Variants in VPS35L observed in about 807,000 individuals in gnomAD.
The protein encoded by VPS35L is VPS35 endosomal protein sorting factor like.
A neutral mutation model predicts 133.0 loss-of-function variants in VPS35L; 83 were observed. The observed-to-expected ratio is 0.62, with a 90% CI of 0.52 to 0.75. VPS35L has a LOEUF of 0.75. Ranked by LOEUF, VPS35L falls within the 30% of genes least tolerant of loss-of-function variation. The probability of loss-of-function intolerance (pLI) is 0.00; values close to 1 mark genes in which losing one functional copy is unlikely to be tolerated. For synonymous variants in VPS35L, 423 were observed against 449.9 expected (o/e 0.94, Z 0.76); for missense variants, 1,083 against 1,206.8 (o/e 0.90, Z 1.52).
intron 2 of VPS35L, among the ~76,000 whole-genome samples, chr16:19,567,692 C>T (rs1374841418): frequency 6.6e-6 from 1 of 152,144 alleles, no homozygotes; most frequent in African/African-American, 2.4e-5. Flanking sequence ...AGCCCTGGCC[C>T]AGTATGGTAG....
intron 1 of VPS35L, among the ~76,000 whole-genome samples, chr16:19,560,559 G>A (rs759260113): frequency 1.3e-5 from 2 of 152,170 alleles, no homozygotes; most frequent in Non-Finnish European, 2.9e-5. Context: ...ACTTTGGGAG[G>A]CCAAGGTGGG....
chr16:19,579,870 T>C (rs1186758361), intron 6 of VPS35L: 2 of 151,002 alleles, frequency 1.3e-5, no homozygotes, highest in African/African-American at 2.4e-5. Context: ...ACTTAAACAG[T>C]GGTAAATGTA....
At chr16:19,624,107 CTTTTTTTTTTTT>C (rs1182015325) in intron 14 of VPS35L, among the ~76,000 whole-genome samples, 1 of 65,866 alleles carries the variant, frequency 1.5e-5, no homozygotes, top group African/African-American at 6.1e-5. Flanking sequence ...CCTACCAGGT[CTTTTTTTTTTTT>C]TTTTTTTTTT....
At chr16:19,660,544 C>A (rs962150081) in intron 26 of VPS35L, among the ~76,000 whole-genome samples, 12 of 152,044 alleles carry the variant, frequency 7.9e-5, no homozygotes, top group African/African-American at 2.7e-4. Flanking sequence ...TCCATTAGCA[C>A]TGACCTAATG....
At chr16:19,675,553 TTTTTGTTTTG>T (rs957564965) in intron 27 of VPS35L, among the ~76,000 whole-genome samples, 1 of 151,796 alleles carries the variant, frequency 6.6e-6, no homozygotes, top group Non-Finnish European at 1.5e-5. Flanking sequence ...CTCCATACTG[TTTTTGTTTTG>T]TTTTGTTTTG....
chr16:19,686,906 GC>G (rs1042169560), intron 28 of VPS35L, among the ~76,000 whole-genome samples: 12 of 152,044 alleles, frequency 7.9e-5, no homozygotes, highest in Middle Eastern at 6.8e-3. Flanking sequence ...CCCCTGTACT[GC>G]CCCCCCTTCC....
At chr16:19,583,736 A>G (rs1010331978) in intron 7 of VPS35L, among the ~76,000 whole-genome samples, 3 of 151,944 alleles carry the variant, frequency 2.0e-5, no homozygotes, top group Non-Finnish European at 4.4e-5. Context: ...AAAAAAAGGA[A>G]AACAGAAAGA....
chr16:19,642,301 G>C, intron 21 of VPS35L, 95 bp from the exon 22 acceptor site: 1 of 1,025,678 alleles, frequency 9.7e-7, no homozygotes, highest in Admixed American at 2.2e-5. Flanking sequence ...ATAATTTGCT[G>C]CTTTTCAAGT....
rs145994488 is a variant in VPS35L, at chr16:19,556,782, A to G, written c.17+1036A>G. Among the ~76,000 whole-genome samples the G allele has an allele frequency of 1.6e-3, 247 of 150,020 alleles. 1 individual carries two copies. The highest frequency in any genetic ancestry group is 2.9e-3 in the Non-Finnish European group (199 of 67,734). ...CCTTGACACGCTACATCAGCATTGA[A>G]TGCCTCTGAGCACTTCCACACCCTG... On this transcript the variant is annotated intron_variant, in intron 1 of 30. Transcript: ENST00000417362.
At position 19,633,339 on chromosome 16, in the gene VPS35L, G is replaced by A. The variant is rs564814867; in HGVS notation, c.1635+167G>A. 6.6e-6 allele frequency among the ~76,000 whole-genome samples: 1 copy of A among 152,276 alleles called. No homozygotes were observed. The highest frequency in any genetic ancestry group is 2.1e-4 in the South Asian group (1 of 4,824). ...CTTTGATCAGTTACTTAACCTTGTTGTGCCCCAGTTTTCTCACCTGTGAAA... is the reference window on the plus strand; with the variant it reads ...CTTTGATCAGTTACTTAACCTTGTTATGCCCCAGTTTTCTCACCTGTGAAA... On this transcript the variant is annotated intron_variant, in intron 19 of 30. Transcript: ENST00000417362. The surrounding 1 kb of genome is among the most constrained non-coding windows in gnomAD (Gnocchi z 4.1).
chr16:19,573,925 A>G (rs916665973), intron 4 of VPS35L, among the ~76,000 whole-genome samples: 2 of 152,168 alleles, frequency 1.3e-5, no homozygotes, highest in Non-Finnish European at 2.9e-5. Context: ...TTTCCCCTGG[A>G]GCTGGAAATT....
intron 7 of VPS35L, among the ~76,000 whole-genome samples, chr16:19,582,434 A>C (rs1971739423): frequency 6.6e-6 from 1 of 152,222 alleles, no homozygotes; most frequent in South Asian, 2.1e-4. Flanking sequence ...GAAAGACAGG[A>C]GAGTCCGGGA....
At chr16:19,594,129 G>A (rs1249632720) in intron 8 of VPS35L, among the ~76,000 whole-genome samples, 1 of 152,116 alleles carries the variant, frequency 6.6e-6, no homozygotes, top group Non-Finnish European at 1.5e-5. Flanking sequence ...AGCCAGTTGT[G>A]TTATCTGGGG....
chr16:19,669,671 CTCT>C (rs1412236762), intron 27 of VPS35L, among the ~76,000 whole-genome samples: 2 of 136,710 alleles, frequency 1.5e-5, no homozygotes, highest in East Asian at 2.2e-4. Context: ...CTTTCTGTCT[CTCT>C]TTTTTTTTTT....
chr16:19,656,304 C>T (rs915610274), intron 26 of VPS35L, among the ~76,000 whole-genome samples: 1 of 147,370 alleles, frequency 6.8e-6, no homozygotes, highest in Non-Finnish European at 1.5e-5. Context: ...AAAATGGGGG[C>T]ATTTTACAAT....
intron 11 of VPS35L, among the ~76,000 whole-genome samples, chr16:19,609,390 GA>G (rs531275059): frequency 3.6e-4 from 55 of 152,296 alleles, no homozygotes; most frequent in African/African-American, 1.3e-3. Flanking sequence ...GAAGAGGTCT[GA>G]GGGGGTCCTT....
chr16:19,589,105 C>T (rs1971961972), intron 7 of VPS35L, among the ~76,000 whole-genome samples: 1 of 152,038 alleles, frequency 6.6e-6, no homozygotes, highest in Admixed American at 6.6e-5. Context: ...TTCTTTTGCC[C>T]ATTTTTCCAT....
intron 27 of VPS35L, among the ~76,000 whole-genome samples, chr16:19,674,837 CAT>C (rs1975007671): frequency 6.6e-6 from 1 of 152,150 alleles, no homozygotes; most frequent in Non-Finnish European, 1.5e-5. Flanking sequence ...GCTTATTTCA[CAT>C]AGTTTAATGC....
At chr16:19,584,278 A>G (rs1285337862) in intron 7 of VPS35L, among the ~76,000 whole-genome samples, 3 of 152,134 alleles carry the variant, frequency 2.0e-5, no homozygotes, top group South Asian at 2.1e-4. Context: ...AGAAATTTCC[A>G]TACTGTTTTC....
Sources: gnomAD v4.1 joint callset for allele counts (sites outside exome capture counted in the v4.1 genomes callset) on GRCh38, gnomAD v4.1.1 for gene constraint, Gnocchi (gnomAD v3.1) non-coding constraint, MANE v1.5 for transcripts, NCBI Gene and HGNC (gene_info 2026-07-23, HGNC 2026-07-21) for gene names.